WNT7B: variants seen among roughly 807,000 people sequenced by gnomAD.
WNT7B encodes protein Wnt-7b.
A neutral mutation model predicts 38.2 loss-of-function variants in WNT7B; 19 were observed. The observed-to-expected ratio is 0.50, with a 90% CI of 0.35 to 0.73. WNT7B has a LOEUF of 0.73. Ranked by LOEUF, WNT7B falls within the 30% of genes least tolerant of loss-of-function variation. WNT7B has a pLI of 0.01. For missense variants in WNT7B, 423 were observed against 507.9 expected (o/e 0.83, Z 1.61); for synonymous variants, 243 against 209.3 (o/e 1.16, Z -1.39).
rs566238088 is a variant in WNT7B at position 45,962,704 on chromosome 22, G to C, written c.72-12558C>G. ...GATGGGAACAGAAACACCCAGAGAT[G>C]CCACAGCACCTGAGACCACACAGCT... is the stretch of plus-strand genomic sequence containing the variant. On this transcript the variant is annotated intron_variant, in intron 1 of 3. Transcript: ENST00000339464. Among the ~76,000 whole-genome samples the C allele has an allele frequency of 3.9e-5, 6 of 152,360 alleles. No homozygotes were observed. In the East Asian group the frequency reaches 9.6e-4, roughly 24 times the overall value.
chr22:45,956,419 C>G (rs1456944468), intron 1 of WNT7B, among the ~76,000 whole-genome samples: 1 of 152,220 alleles, frequency 6.6e-6, no homozygotes, highest in Non-Finnish European at 1.5e-5. Context: ...AGGATCCAGC[C>G]TCCCCCGGGA....
chr22:45,923,156 G>C lies in WNT7B; in HGVS notation c.750C>G (p.Thr250=). ...TGCGCAGCTGTTTGATGCGCAGGAA[G>C]GTGGGCTGCCGCAGACGGCTGGCCC... The part of the protein sequence containing the change: ...VVRASRLRQP[T]FLRIKQLRSY... Residue 250 remains threonine (T), a synonymous_variant, in exon 4 of 4, where the codon ACC becomes ACG. Transcript: ENST00000339464. 1 of 1,613,560 alleles carries C rather than the reference G, an allele frequency of 6.2e-7. No individual in the cohort carries two copies. The highest frequency in any genetic ancestry group is 8.5e-7 in the Non-Finnish European group (1 of 1,180,016).
intron 1 of WNT7B, among the ~76,000 whole-genome samples, chr22:45,953,917 A>T (rs1931998793): frequency 6.6e-6 from 1 of 152,186 alleles, no homozygotes; most frequent in Non-Finnish European, 1.5e-5. Context: ...CATAGATTCA[A>T]ATGAACCGAA....
At chr22:45,924,775 CGGGGG>C (rs1931026353) in intron 3 of WNT7B, among the ~76,000 whole-genome samples, 1 of 129,120 alleles carries the variant, frequency 7.7e-6, no homozygotes. Flanking sequence ...AGGTGGGTGC[CGGGGG>C]ACCCAAAGGC....
At chr22:45,959,337 G>C (rs936438689) in intron 1 of WNT7B, among the ~76,000 whole-genome samples, 1 of 152,176 alleles carries the variant, frequency 6.6e-6, no homozygotes. Context: ...CTTCACATAG[G>C]GTTGAGAAAA....
At chr22:45,972,299 G>A (rs1205395981) in intron 1 of WNT7B, 8 of 541,396 alleles carry the variant, frequency 1.5e-5, no homozygotes, top group African/African-American at 8.1e-5. Flanking sequence ...TGGGCCAGCT[G>A]AGGCCGGGGT....
chr22:45,967,702 T>G (rs1932342993), intron 1 of WNT7B, among the ~76,000 whole-genome samples: 1 of 143,554 alleles, frequency 7.0e-6, no homozygotes, highest in Non-Finnish European at 1.5e-5. Context: ...CCTCCGGGGA[T>G]GTGGTGGGTG....
At chr22:45,927,788 C>G (rs151047028) in intron 3 of WNT7B, among the ~76,000 whole-genome samples, 1 of 152,192 alleles carries the variant, frequency 6.6e-6, no homozygotes, top group Non-Finnish European at 1.5e-5. Context: ...CCCAGCTATT[C>G]GGGAGGCTGA....
Position 45,924,982 on chromosome 22 carries a change from G to C in WNT7B, c.571-1647C>G, listed in dbSNP as rs1181884202. On this transcript the variant is annotated intron_variant, in intron 3 of 3. Transcript: ENST00000339464. ...GTGCTGGGTGGGCCCTAGGCTGGCA[G>C]GTGGGTGCCGGGCGGGCCCAAAGTC... 5 of 927,884 alleles carry C rather than the reference G, an allele frequency of 5.4e-6. No homozygotes were observed. In the East Asian group the frequency reaches 6.1e-4, roughly 114 times the overall value. The allele number at this position is 927,884 out of a possible 1,614,324, so 57.5% of individuals were successfully genotyped here.
At chr22:45,945,867 T>TCC (rs1931782071) in intron 2 of WNT7B, among the ~76,000 whole-genome samples, 1 of 152,160 alleles carries the variant, frequency 6.6e-6, no homozygotes, top group African/African-American at 2.4e-5. Flanking sequence ...CAGGAGCGGG[T>TCC]GACAGCTGTG....
rs1601710565 is a variant in WNT7B at position 45,920,716 on chromosome 22, T to G, written c.*2140A>C. ...ATGGGGTCAGGGATGGGATGGGGGATGGGATGAGGGATGAGATGAGGGATG... is the reference window on the plus strand; with the variant it reads ...ATGGGGTCAGGGATGGGATGGGGGAGGGGATGAGGGATGAGATGAGGGATG... On this transcript the variant is annotated 3_prime_UTR_variant, in exon 4 of 4. Transcript: ENST00000339464. 2 of 31,996 alleles carry G rather than the reference T, an allele frequency of 6.3e-5. No individual in the cohort carries two copies. Among genetic ancestry groups the G allele is most frequent in the Non-Finnish European group, 5.7e-5 (1 of 17,438 alleles). The allele number at this position is 31,996 out of a possible 1,614,324, so 2.0% of individuals were successfully genotyped here.
chr22:45,967,027 C>T lies in WNT7B; in HGVS notation c.71+9657G>A, dbSNP rs139454398. Among the ~76,000 whole-genome samples the T allele has an allele frequency of 3.6e-3, 553 of 152,296 alleles. 6 individuals are homozygous for T. The highest frequency in any genetic ancestry group is 0.013 in the African/African-American group (523 of 41,552). On this transcript the variant is annotated intron_variant, in intron 1 of 3. Coordinates refer to ENST00000339464, the MANE Select transcript of WNT7B (RefSeq NM_058238.3). The stretch of plus-strand genomic sequence containing the variant: ...ACCCACGCTCAGAGGACAAGAACGC[C>T]CTGGGTGAGGGGCAGGGATGGGGGA...
intron 2 of WNT7B, among the ~76,000 whole-genome samples, chr22:45,943,085 G>T (rs1347933405): frequency 6.6e-6 from 1 of 151,966 alleles, no homozygotes; most frequent in Non-Finnish European, 1.5e-5. Flanking sequence ...GTGCACGTGT[G>T]TGCGTGTGTT....
chr22:45,931,492 C>G (rs1392252091), intron 2 of WNT7B, 123 bp from the exon 3 acceptor site: 3 of 1,200,050 alleles, frequency 2.5e-6, no homozygotes, highest in Non-Finnish European at 3.4e-6. Flanking sequence ...GGGCTCATCG[C>G]TCGCCCCCTC....
At chr22:45,927,474 C>T (rs896952047) in intron 3 of WNT7B, 1 of 1,550,214 alleles carries the variant, frequency 6.5e-7, no homozygotes, top group East Asian at 2.4e-5. Flanking sequence ...TTCATGTCTG[C>T]TCAGAGCCTC....
intron 2 of WNT7B, among the ~76,000 whole-genome samples, chr22:45,946,337 C>A (rs1336257511): frequency 3.3e-5 from 5 of 152,232 alleles, no homozygotes; most frequent in African/African-American, 1.2e-4. Context: ...GCCTGGGTCA[C>A]CCCCTCCGGG....
intron 3 of WNT7B, chr22:45,927,650 C>T: frequency 1.3e-6 from 1 of 756,786 alleles, no homozygotes. Flanking sequence ...AATCCAAGCA[C>T]TTTGGGAGGC....
intron 2 of WNT7B, among the ~76,000 whole-genome samples, chr22:45,945,317 G>T (rs989427448): frequency 6.6e-6 from 1 of 152,120 alleles, no homozygotes; most frequent in Non-Finnish European, 1.5e-5. Flanking sequence ...GACTTCAAGT[G>T]ATCCACCCGC....
chr22:45,966,105 C>T lies in WNT7B; in HGVS notation c.71+10579G>A, dbSNP rs1437414343. ...CTTCTCTGGCAGCCCGAGGGGGACA[C>T]AGATTCCAAAGCAGACCCTGGGCAC... On this transcript the variant is annotated intron_variant, in intron 1 of 3. Transcript: ENST00000339464. This position sits in a 1 kb window ranked among gnomAD's most constrained non-coding sequence, Gnocchi z 4.2. 1.3e-5 allele frequency among the ~76,000 whole-genome samples: 2 copies of T among 152,182 alleles called. No homozygotes were observed. Among genetic ancestry groups the T allele is most frequent in the East Asian group, 3.9e-4 (2 of 5,180 alleles).
Sources: allele counts gnomAD v4.1 joint callset (sites outside exome capture counted in the v4.1 genomes callset), GRCh38; gene constraint gnomAD v4.1.1; non-coding constraint Gnocchi (gnomAD v3.1); transcripts MANE v1.5; gene names NCBI Gene and HGNC (gene_info 2026-07-23, HGNC 2026-07-21).